MAGI3: variants seen among roughly 807,000 people sequenced by gnomAD.
MAGI3 encodes the protein membrane-associated guanylate kinase, WW and PDZ domain-containing protein 3.
MAGI3 carries 43 observed loss-of-function variants against 121.8 expected under a neutral mutation model. That is an observed-to-expected ratio of 0.35 (90% CI 0.28 to 0.46). The LOEUF (loss-of-function observed/expected upper bound fraction) is 0.46, where lower values mean the gene tolerates loss of function less well. Among genes scored for constraint, MAGI3 ranks in the 20% least tolerant of loss-of-function variants. The probability of loss-of-function intolerance (pLI) is 1.00; values close to 1 mark genes in which losing one functional copy is unlikely to be tolerated. For missense variants in MAGI3, 1,547 were observed against 1,797.3 expected (o/e 0.86, Z 2.52); for synonymous variants, 553 against 639.3 (o/e 0.86, Z 2.04).
chr1:113,636,349 T>C (rs1225202475), intron 9 of MAGI3, among the ~76,000 whole-genome samples: 9 of 152,254 alleles, frequency 5.9e-5, no homozygotes, highest in Non-Finnish European at 2.9e-5. Context: ...TTTCCTGCTT[T>C]CTTTTGTGGG....
At chr1:113,519,830 A>C (rs951841764) in intron 1 of MAGI3, among the ~76,000 whole-genome samples, 1 of 152,204 alleles carries the variant, frequency 6.6e-6, no homozygotes, top group African/African-American at 2.4e-5. Context: ...AGAAAAGTAA[A>C]CCATATTGTT....
Position 113,465,107 on chromosome 1 carries a change from T to C in MAGI3, c.316+73758T>C, listed in dbSNP as rs185163985. ...CTGGAGCATCTCCCCAGTGTTTTCT[T>C]CTAGTAGTTTTTCTTCAGTTGTTCG... On this transcript the variant is annotated intron_variant, in intron 1 of 20. Coordinates refer to ENST00000307546, the MANE Select transcript of MAGI3 (RefSeq NM_001142782.2). Among the ~76,000 whole-genome samples, 475 of 152,260 alleles carry C rather than the reference T, an allele frequency of 3.1e-3. 1 individual carries two copies. The highest frequency in any genetic ancestry group is 0.011 in the African/African-American group (452 of 41,550).
intron 9 of MAGI3, among the ~76,000 whole-genome samples, chr1:113,627,616 T>G (rs2798137): frequency 0.38 from 56,885 of 147,834 alleles, 12,651 homozygotes; most frequent in African/African-American, 0.6. Flanking sequence ...ATATATAAAA[T>G]ATATAATTGT....
chr1:113,515,133 G>A (rs1040795992), intron 1 of MAGI3, among the ~76,000 whole-genome samples: 2 of 152,014 alleles, frequency 1.3e-5, no homozygotes, highest in African/African-American at 4.8e-5. Context: ...ATGAGAAGGA[G>A]AAAACCATTT....
chr1:113,480,810 G>T (rs1271698535), intron 1 of MAGI3, among the ~76,000 whole-genome samples: 1 of 152,110 alleles, frequency 6.6e-6, no homozygotes, highest in East Asian at 1.9e-4. Flanking sequence ...AGGGGACAAG[G>T]GCTGGAAACT....
At chr1:113,544,380 A>G (rs957239671) in intron 1 of MAGI3, among the ~76,000 whole-genome samples, 2 of 152,270 alleles carry the variant, frequency 1.3e-5, no homozygotes, top group African/African-American at 4.8e-5. Flanking sequence ...TCTTACAGAC[A>G]TCATTGTAAA....
chr1:113,643,688 T>A (rs1652674791), intron 10 of MAGI3, 55 bp from the exon 11 acceptor site: 2 of 1,542,478 alleles, frequency 1.3e-6, no homozygotes, highest in African/African-American at 2.7e-5. Flanking sequence ...TAGCAGTATT[T>A]GTGATCTGGG....
At chr1:113,610,330 T>G (rs1650042613) in intron 6 of MAGI3, among the ~76,000 whole-genome samples, 1 of 152,134 alleles carries the variant, frequency 6.6e-6, no homozygotes, top group African/African-American at 2.4e-5. Flanking sequence ...CCCCTGATGA[T>G]TCTTACTTTC....
Position 113,684,106 on chromosome 1 carries a change from T to C in MAGI3, c.*92T>C. 7.5e-7 allele frequency: 1 copy of C among 1,339,134 alleles called. No individual in the cohort carries two copies. Among genetic ancestry groups the C allele is most frequent in the Non-Finnish European group, 1.0e-6 (1 of 1,004,764 alleles). 83.0% of individuals were successfully genotyped at this position (1,339,134 alleles called of 1,614,324 possible). On this transcript the variant is annotated 3_prime_UTR_variant, in exon 21 of 21. Transcript: ENST00000307546. ...GCCTTTTTTTTTTTTTCAGATATTC[T>C]GAAACAGATAAGTACATGTTAATGT...
chr1:113,390,712 C>G lies in MAGI3; in HGVS notation c.-322C>G, dbSNP rs1164289439. On this transcript the variant is annotated 5_prime_UTR_variant, in exon 1 of 21. Transcript: ENST00000307546. ...TCGGGCGCTGAGCCCAGGGACCAGC[C>G]GGCGGCAGTGACCCCGCCCGAAGCC... 6.3e-6 allele frequency: 1 copy of G among 159,564 alleles called. No individual in the cohort carries two copies. Among genetic ancestry groups the G allele is most frequent in the Non-Finnish European group, 1.4e-5 (1 of 72,758 alleles). The allele number at this position is 159,564 out of a possible 1,614,324, so 9.9% of individuals were successfully genotyped here. A position where few individuals can be genotyped will look rare whatever the true frequency, so the allele number is the denominator to read the frequency against.
rs776049718 is a variant in MAGI3 at position 113,672,709 on chromosome 1, G to A, written c.3013G>A (p.Val1005Ile). 5 of 1,613,184 alleles carry A rather than the reference G, an allele frequency of 3.1e-6. No homozygotes were observed. Among genetic ancestry groups the A allele is most frequent in the East Asian group, 2.2e-5 (1 of 44,810 alleles). The change falls in exon 18 of 21, where the codon GTA becomes ATA. Residue 1005 changes from valine to isoleucine, a missense_variant. Transcript: ENST00000307546. Reference sequence around the variant, plus strand: ...GCACCTTGCACAGCCTGACACCGCAGTAATTTCAGTTGTAGGCAGTCGGCA... The same window carrying A: ...GCACCTTGCACAGCCTGACACCGCAATAATTTCAGTTGTAGGCAGTCGGCA... ...HKHLAQPDTA[V>I]ISVVGSRHNQ...
Position 113,590,526 on chromosome 1 carries a change from C to G in MAGI3, c.806C>G (p.Thr269Ser). Residue 269 changes from threonine to serine, a missense_variant, in exon 5 of 21, where the codon ACT becomes AGT. Coordinates refer to ENST00000307546, the MANE Select transcript of MAGI3 (RefSeq NM_001142782.2). ...RHSESSDWMK[T>S]VPSYNQTNSS... ...TCTGAGTCATCTGACTGGATGAAGACTGTTCCAAGTTACAACCAAACAAAT... is the reference window on the plus strand; with the variant it reads ...TCTGAGTCATCTGACTGGATGAAGAGTGTTCCAAGTTACAACCAAACAAAT... The G allele has an allele frequency of 6.2e-7, 1 of 1,613,746 alleles. No individual in the cohort carries two copies. The highest frequency in any genetic ancestry group is 8.5e-7 in the Non-Finnish European group (1 of 1,179,702).
intron 1 of MAGI3, among the ~76,000 whole-genome samples, chr1:113,486,118 T>C (rs570955270): frequency 1.5e-3 from 226 of 152,318 alleles, no homozygotes; most frequent in South Asian, 6.4e-3. Context: ...GATTTGTTCT[T>C]TTTGCTTAGT....
chr1:113,439,527 T>C (rs1368005104), intron 1 of MAGI3, among the ~76,000 whole-genome samples: 1 of 152,212 alleles, frequency 6.6e-6, no homozygotes, highest in Non-Finnish European at 1.5e-5. Context: ...TCCTATAGCA[T>C]CTGATGTATG....
intron 1 of MAGI3, among the ~76,000 whole-genome samples, chr1:113,464,054 G>A (rs1655159143): frequency 6.6e-6 from 1 of 152,008 alleles, no homozygotes; most frequent in African/African-American, 2.4e-5. Context: ...TTAAGTTATA[G>A]TCACCCTACT....
chr1:113,540,508 T>G (rs529960964), intron 1 of MAGI3, among the ~76,000 whole-genome samples: 2 of 152,330 alleles, frequency 1.3e-5, no homozygotes, highest in South Asian at 4.1e-4. Context: ...CTTATTTATG[T>G]GTACACAGCA....
chr1:113,554,243 A>G (rs1184729964), intron 2 of MAGI3, among the ~76,000 whole-genome samples: 2 of 152,084 alleles, frequency 1.3e-5, no homozygotes, highest in Admixed American at 6.5e-5. Context: ...AAAGAACAGT[A>G]TCAACATAAT....
At chr1:113,480,939 A>G (rs1444716276) in intron 1 of MAGI3, among the ~76,000 whole-genome samples, 2 of 152,326 alleles carry the variant, frequency 1.3e-5, no homozygotes, top group East Asian at 3.9e-4. Context: ...ATTTGGAAGG[A>G]TAGTCAGAAG....
intron 1 of MAGI3, among the ~76,000 whole-genome samples, chr1:113,531,742 G>A (rs990472306): frequency 8.8e-5 from 13 of 148,394 alleles, no homozygotes; most frequent in Non-Finnish European, 1.3e-4. Flanking sequence ...GGGCTGGGGC[G>A]GGGACAGGGT....
Sources: gnomAD v4.1 joint callset for allele counts (sites outside exome capture counted in the v4.1 genomes callset) on GRCh38, gnomAD v4.1.1 for gene constraint, MANE v1.5 for transcripts, NCBI Gene and HGNC (gene_info 2026-07-23, HGNC 2026-07-21) for gene names.